The following RASGRF1 variants were observed in gnomAD, a reference collection of about 807,000 sequenced individuals.
RASGRF1 encodes the protein Ras protein specific guanine nucleotide releasing factor 1, also known as ras-specific guanine nucleotide-releasing factor 1.
Under a neutral mutation model 138.7 loss-of-function variants are expected in RASGRF1, and 40 were observed. That is an observed-to-expected ratio of 0.29 (90% CI 0.22 to 0.38). The LOEUF is 0.38. RASGRF1 is among the 10% of genes least tolerant of loss of function. RASGRF1 has a pLI of 1.00. For missense variants in RASGRF1, 1,108 were observed against 1,650.4 expected, an observed-to-expected ratio of 0.67 and a Z score of 5.69; for synonymous variants, 614 against 663.2, an observed-to-expected ratio of 0.93 and a Z score of 1.14.
At chr15:78,980,807 G>C in intron 23 of RASGRF1, 108 bp from the exon 24 acceptor site, 1 of 809,474 alleles carries the variant, frequency 1.2e-6, no homozygotes, top group Non-Finnish European at 1.9e-6. Context: ...CTCCAGAATT[G>C]CCTTCCCTTG....
In RASGRF1 at chr15:78,991,597, C is replaced by T. The variant is rs114427150; in HGVS notation, c.3131+94G>A. On this transcript the variant is annotated intron_variant, in intron 21 of 26. Coordinates refer to ENST00000558480, the MANE Select transcript of RASGRF1 (RefSeq NM_001145648.3). ...TGTTTCAAGCTGTGGAGGGTCCGTG[C>T]AGCTCTGGAAATTCACTGCGTGTGC... is the stretch of plus-strand genomic sequence containing the variant. 143 of 999,944 alleles carry T rather than the reference C, an allele frequency of 1.4e-4. No homozygotes were observed. In the African/African-American group the frequency reaches 2.0e-3, roughly 14 times the overall value. The allele number at this position is 999,944 out of a possible 1,614,324, so 61.9% of individuals were successfully genotyped here.
intron 1 of RASGRF1, among the ~76,000 whole-genome samples, chr15:79,084,844 T>C (rs1339388929): frequency 2.0e-5 from 3 of 152,212 alleles, no homozygotes; most frequent in South Asian, 2.1e-4. Context: ...GGCAGAACCA[T>C]GGACTTCAGG....
chr15:79,024,911 C>T (rs532707262), intron 10 of RASGRF1, among the ~76,000 whole-genome samples: 23 of 150,518 alleles, frequency 1.5e-4, no homozygotes, highest in East Asian at 3.9e-4. Context: ...TACACACACA[C>T]GCATATACAC....
chr15:79,024,558 C>A (rs544895714), intron 10 of RASGRF1, among the ~76,000 whole-genome samples: 2 of 152,260 alleles, frequency 1.3e-5, no homozygotes, highest in South Asian at 4.1e-4. Flanking sequence ...TGGGAGGGAC[C>A]CAGTGGGAGG....
chr15:79,055,793 T>A (rs540264941), intron 3 of RASGRF1, among the ~76,000 whole-genome samples: 1 of 152,280 alleles, frequency 6.6e-6, no homozygotes, highest in South Asian at 2.1e-4. Context: ...ACTATGGCAC[T>A]GAAGACACTC....
Position 79,017,887 on chromosome 15 carries a change from G to C in RASGRF1, c.1626C>G (p.Asp542Glu). 1 of 1,613,184 alleles carries C rather than the reference G, an allele frequency of 6.2e-7. No homozygotes were observed. The highest frequency in any genetic ancestry group is 8.5e-7 in the Non-Finnish European group (1 of 1,179,740). ...TEEEAKGSGQ[D>E]IDHLDFKIGV... ...CGATTTTAAAATCCAAGTGATCTAT[G>C]TCTTGGCCGGATCCTTTGGCTTCCA... The change falls in exon 12 of 27, where the codon GAC becomes GAG. Residue 542 changes from aspartate (D) to glutamate (E), a missense_variant. Physicochemically the swap from Asp to Glu is conservative, Grantham distance 45 (BLOSUM62 2). Around this residue, in one of 3 missense-constraint regions of RASGRF1, gnomAD observed 686 missense variants for 976.7 expected, o/e 0.70. Coordinates refer to ENST00000558480, the MANE Select transcript of RASGRF1 (RefSeq NM_001145648.3).
chr15:79,011,547 C>T (rs1043812257), intron 13 of RASGRF1, among the ~76,000 whole-genome samples: 17 of 152,170 alleles, frequency 1.1e-4, no homozygotes, highest in Non-Finnish European at 2.4e-4. Context: ...TGTCCCCTGC[C>T]CAAGAAATGC....
intron 8 of RASGRF1, 30 bp downstream of exon 8, chr15:79,031,370 G>T: frequency 1.3e-5 from 20 of 1,518,094 alleles, no homozygotes; most frequent in Non-Finnish European, 1.8e-5. Context: ...CCTGTCTGCC[G>T]GTCTGGTGCA....
At chr15:79,026,731 C>T (rs9652433) in intron 9 of RASGRF1, among the ~76,000 whole-genome samples, 38,454 of 152,048 alleles carry the variant, frequency 0.25, 5,086 homozygotes, top group Middle Eastern at 0.32. Context: ...CAGGAGGGGT[C>T]ATTTCTTGGG....
chr15:79,019,939 C>A, intron 11 of RASGRF1, 102 bp downstream of exon 11: 1 of 1,430,036 alleles, frequency 7.0e-7, no homozygotes, highest in East Asian at 2.3e-5. Context: ...TCAGCATCCT[C>A]CATTCCTCCC....
Position 79,031,523 on chromosome 15 carries a change from G to A in RASGRF1, c.1153-14C>T. ...GTACCTGGGGATCTGCGGGCAGGTG[G>A]GAGAGGTGAGGGTGGAGAAAGAGCC... On this transcript the variant is annotated splice_polypyrimidine_tract_variant and intron_variant, in intron 7 of 26. Coordinates refer to ENST00000558480, the MANE Select transcript of RASGRF1 (RefSeq NM_001145648.3). 6.3e-7 allele frequency: 1 copy of A among 1,585,304 alleles called. No homozygotes were observed. The highest frequency in any genetic ancestry group is 1.1e-5 in the South Asian group (1 of 89,498).
intron 7 of RASGRF1, 125 bp downstream of exon 7, chr15:79,031,998 A>C (rs1595920916): frequency 2.5e-6 from 3 of 1,189,512 alleles, no homozygotes; most frequent in Non-Finnish European, 2.3e-6. Flanking sequence ...GGCCCTGACC[A>C]CCTCCCCCGC....
At position 79,017,369 on chromosome 15, in the gene RASGRF1, G is replaced by A. The variant is rs74027008; in HGVS notation, c.1743+401C>T. Among the ~76,000 whole-genome samples, 1,094 of 152,298 alleles carry A rather than the reference G, an allele frequency of 7.2e-3. 13 individuals are homozygous for A. The highest frequency in any genetic ancestry group is 0.025 in the African/African-American group (1,035 of 41,550). The stretch of plus-strand genomic sequence containing the variant: ...CTGTGAACATTATTACATCTAATAT[G>A]TTCAGACTTTTCTGTGCGTATCAAT... On this transcript the variant is annotated intron_variant, in intron 12 of 26. Transcript: ENST00000558480.
At chr15:79,025,499 G>C in intron 9 of RASGRF1, 25 bp from the exon 10 acceptor site, 1 of 1,602,932 alleles carries the variant, frequency 6.2e-7, no homozygotes. Flanking sequence ...GAGAGACCCT[G>C]AGCCCATCTC....
intron 13 of RASGRF1, among the ~76,000 whole-genome samples, chr15:79,007,299 C>T (rs889902141): frequency 1.3e-5 from 2 of 152,168 alleles, no homozygotes; most frequent in African/African-American, 4.8e-5. Flanking sequence ...GGCTGCTGTA[C>T]CACACAGCGC....
At chr15:78,965,572 C>T (rs1367001048) in intron 26 of RASGRF1, among the ~76,000 whole-genome samples, 1 of 152,192 alleles carries the variant, frequency 6.6e-6, no homozygotes, top group East Asian at 1.9e-4. Flanking sequence ...TGTGACCAGC[C>T]AGGCGCAGTG....
intron 1 of RASGRF1, among the ~76,000 whole-genome samples, chr15:79,082,322 G>A (rs924021719): frequency 6.6e-6 from 1 of 152,180 alleles, no homozygotes; most frequent in African/African-American, 2.4e-5. Context: ...CTCAGAGTGG[G>A]TCCCTTCTGG....
At chr15:79,079,024 C>A (rs2057877777) in intron 1 of RASGRF1, among the ~76,000 whole-genome samples, 1 of 152,212 alleles carries the variant, frequency 6.6e-6, no homozygotes, top group Admixed American at 6.5e-5. Flanking sequence ...CCTTGAAAGC[C>A]CCCCTCTTTC....
At chr15:79,017,676 ACCACCC>A in intron 12 of RASGRF1, 88 bp downstream of exon 12, 2 of 1,388,846 alleles carry the variant, frequency 1.4e-6, no homozygotes, top group Non-Finnish European at 1.9e-6. Context: ...CAGCTACTCC[ACCACCC>A]CCACCCCCTA....
Sources: gnomAD v4.1 joint callset for allele counts (sites outside exome capture counted in the v4.1 genomes callset) on GRCh38, gnomAD v4.1.1 for gene constraint, gnomAD v4.1.1 regional missense constraint, MANE v1.5 for transcripts, NCBI Gene and HGNC (gene_info 2026-07-23, HGNC 2026-07-21) for gene names.